The following GTF2F2 variants were observed in gnomAD, a reference collection of about 807,000 sequenced individuals.
GTF2F2 encodes the protein general transcription factor IIF subunit 2.
In GTF2F2, 23 loss-of-function variants were observed where a neutral mutation model predicts 42.2. The ratio of observed to expected loss-of-function variants is 0.55; its 90% CI spans 0.39 to 0.77. The LOEUF is 0.77. Ranked by LOEUF, GTF2F2 falls within the 30% of genes least tolerant of loss-of-function variation. GTF2F2 has a pLI of 0.00. For synonymous variants in GTF2F2, 105 were observed against 100.8 expected, an observed-to-expected ratio of 1.04 and a Z score of -0.25; for missense variants, 261 against 287.2, an observed-to-expected ratio of 0.91 and a Z score of 0.66.
chr13:45,177,973 T>G (rs566538043), intron 4 of GTF2F2, among the ~76,000 whole-genome samples: 4 of 152,286 alleles, frequency 2.6e-5, no homozygotes, highest in African/African-American at 7.2e-5. Context: ...CAAATTTTTT[T>G]GATTATCTTT....
At chr13:45,135,413 C>G (rs1869566893) in intron 1 of GTF2F2, among the ~76,000 whole-genome samples, 1 of 151,964 alleles carries the variant, frequency 6.6e-6, no homozygotes, top group Admixed American at 6.6e-5. Context: ...GCACGCACGA[C>G]CATGCCCGGC....
intron 1 of GTF2F2, among the ~76,000 whole-genome samples, chr13:45,122,507 G>A (rs754562396): frequency 3.9e-5 from 6 of 152,196 alleles, no homozygotes; most frequent in South Asian, 4.1e-4. Flanking sequence ...GGTGGTGTGC[G>A]CCTGTAGTCC....
At chr13:45,253,676 A>T (rs1482887599) in intron 6 of GTF2F2, among the ~76,000 whole-genome samples, 1 of 152,232 alleles carries the variant, frequency 6.6e-6, no homozygotes, top group East Asian at 1.9e-4. Flanking sequence ...CATCCCATCC[A>T]TGATGTGAGT....
At chr13:45,165,112 C>T (rs1871215426) in intron 4 of GTF2F2, among the ~76,000 whole-genome samples, 1 of 151,606 alleles carries the variant, frequency 6.6e-6, no homozygotes, top group Non-Finnish European at 1.5e-5. Flanking sequence ...TGAGCACTTA[C>T]ACAGTGTGGA....
intron 4 of GTF2F2, among the ~76,000 whole-genome samples, chr13:45,177,191 C>T (rs1871922767): frequency 6.6e-6 from 1 of 151,902 alleles, no homozygotes; most frequent in Non-Finnish European, 1.5e-5. Flanking sequence ...CCATCTTTTT[C>T]TCACTGTTCT....
intron 5 of GTF2F2, among the ~76,000 whole-genome samples, chr13:45,229,043 G>A (rs139357490): frequency 2.2e-4 from 33 of 151,940 alleles, no homozygotes; most frequent in African/African-American, 7.0e-4. Context: ...CACCACATCC[G>A]GCTAATTTTT....
At chr13:45,121,458 T>C (rs189105751) in intron 1 of GTF2F2, among the ~76,000 whole-genome samples, 1 of 152,366 alleles carries the variant, frequency 6.6e-6, no homozygotes, top group Non-Finnish European at 1.5e-5. Context: ...TAAGGACTTT[T>C]GGTTTCTTAA....
intron 2 of GTF2F2, among the ~76,000 whole-genome samples, chr13:45,147,213 C>G (rs993518576): frequency 3.9e-5 from 6 of 152,148 alleles, no homozygotes; most frequent in Admixed American, 3.9e-4. Context: ...TTCCTCTTCT[C>G]TTAGTTTTAA....
At chr13:45,196,496 A>C (rs1872897869) in intron 4 of GTF2F2, among the ~76,000 whole-genome samples, 1 of 152,236 alleles carries the variant, frequency 6.6e-6, no homozygotes, top group Non-Finnish European at 1.5e-5. Context: ...ACAACTCTGG[A>C]AGTACATTCA....
chr13:45,191,500 T>C (rs1023019345), intron 4 of GTF2F2, among the ~76,000 whole-genome samples: 4 of 151,842 alleles, frequency 2.6e-5, no homozygotes, highest in Non-Finnish European at 5.9e-5. Flanking sequence ...CTCTGACTTA[T>C]AAGTGACATT....
At chr13:45,170,297 C>G (rs1871529432) in intron 4 of GTF2F2, among the ~76,000 whole-genome samples, 1 of 152,218 alleles carries the variant, frequency 6.6e-6, no homozygotes, top group Non-Finnish European at 1.5e-5. Context: ...TAGGTGTGAG[C>G]CACTGTGCCC....
chr13:45,191,253 A>ATATATATATATATATT (rs1566129375), intron 4 of GTF2F2, among the ~76,000 whole-genome samples: 1 of 138,568 alleles, frequency 7.2e-6, no homozygotes, highest in African/African-American at 2.8e-5. Flanking sequence ...ATATATATAT[A>ATATATATATATATATT]TAGCCATAAT....
In GTF2F2 at chr13:45,130,009, C is replaced by T. The variant is rs184970151; in HGVS notation, c.67-6724C>T. ...AATGCGTCTTTAGATGGGACGTCAC[C>T]GCAAATGTTCACAGGTCTGTGTGGT... On this transcript the variant is annotated intron_variant, in intron 1 of 7. Transcript: ENST00000340473. Among the ~76,000 whole-genome samples the T allele has an allele frequency of 2.2e-3, 332 of 152,270 alleles. 1 individual carries two copies. Among genetic ancestry groups the T allele is most frequent in the African/African-American group, 7.7e-3 (320 of 41,546 alleles).
At chr13:45,169,856 A>G (rs1193241489) in intron 4 of GTF2F2, among the ~76,000 whole-genome samples, 2 of 152,172 alleles carry the variant, frequency 1.3e-5, no homozygotes, top group African/African-American at 2.4e-5. Context: ...ATAGATTACT[A>G]TTTTTTAACC....
chr13:45,120,757 A>G (rs1161039253), intron 1 of GTF2F2, 36 bp downstream of exon 1: 11 of 1,451,710 alleles, frequency 7.6e-6, no homozygotes, highest in South Asian at 2.4e-5. Context: ...CGCTCCTCCT[A>G]ACACAAGTAT....
intron 4 of GTF2F2, among the ~76,000 whole-genome samples, chr13:45,164,333 A>G (rs1309516272): frequency 6.6e-6 from 1 of 152,186 alleles, no homozygotes; most frequent in Non-Finnish European, 1.5e-5. Context: ...CTAGTATAGT[A>G]ATTCCCTTGG....
rs959546680 is a variant in GTF2F2, at chr13:45,182,066, A to G, written c.305-25358A>G. ...CTCCTTATGTAGCCCCTTCTTCTTCATACCCTGCCATTTCTAAGAATTTGA... is the reference window on the plus strand; with the variant it reads ...CTCCTTATGTAGCCCCTTCTTCTTCGTACCCTGCCATTTCTAAGAATTTGA... On this transcript the variant is annotated intron_variant, in intron 4 of 7. Transcript: ENST00000340473. 3.9e-5 allele frequency among the ~76,000 whole-genome samples: 6 copies of G among 152,120 alleles called. No homozygotes were observed. The South Asian group carries it at 1.2e-3, about 32-fold the overall frequency.
intron 4 of GTF2F2, among the ~76,000 whole-genome samples, chr13:45,177,160 T>A (rs955180585): frequency 3.3e-5 from 5 of 151,822 alleles, no homozygotes; most frequent in Admixed American, 3.3e-4. Context: ...ATGAGAATGA[T>A]GTATTTTTTT....
intron 4 of GTF2F2, among the ~76,000 whole-genome samples, chr13:45,167,698 C>T (rs1412882107): frequency 6.6e-6 from 1 of 152,028 alleles, no homozygotes; most frequent in East Asian, 1.9e-4. Context: ...CGTGCCCGGC[C>T]CCCCAGCTGA....
Sources: gnomAD v4.1 joint callset for allele counts (sites outside exome capture counted in the v4.1 genomes callset) on GRCh38, gnomAD v4.1.1 for gene constraint, MANE v1.5 for transcripts, NCBI Gene and HGNC (gene_info 2026-07-23, HGNC 2026-07-21) for gene names.